The following CLEC4C variants were observed in gnomAD, a reference collection of about 807,000 sequenced individuals.
CLEC4C encodes C-type lectin domain family 4 member C.
In CLEC4C, 17 loss-of-function variants were observed where a neutral mutation model predicts 27.7. That is an observed-to-expected ratio of 0.61 (90% CI 0.42 to 0.92). The LOEUF is 0.92. Ranked by LOEUF, CLEC4C falls within the 40% of genes least tolerant of loss-of-function variation. The pLI, the probability that CLEC4C is intolerant of heterozygous loss-of-function variation, is 0.00. For synonymous variants in CLEC4C, 80 were observed against 80.8 expected, an observed-to-expected ratio of 0.99 and a Z score of 0.06; for missense variants, 244 against 257.3, an observed-to-expected ratio of 0.95 and a Z score of 0.35.
At chr12:7,729,828 G>A (rs1227539625) in intron 5 of CLEC4C, 88 bp from the exon 6 acceptor site, 27 of 1,215,816 alleles carry the variant, frequency 2.2e-5, no homozygotes, top group South Asian at 4.2e-5. Flanking sequence ...TAAACAGTGC[G>A]AAAGTCAAGG....
intron 3 of CLEC4C, 102 bp downstream of exon 3, chr12:7,741,319 A>C: frequency 2.8e-6 from 2 of 712,332 alleles, no homozygotes; most frequent in East Asian, 5.0e-5. Context: ...AGTAGGAAAA[A>C]CCAGGCTGCA....
At chr12:7,740,515 C>G (rs1335904469) in intron 3 of CLEC4C, among the ~76,000 whole-genome samples, 1 of 151,732 alleles carries the variant, frequency 6.6e-6, no homozygotes, top group African/African-American at 2.4e-5. Context: ...GCCTGGACAA[C>G]AAGGTGAAAC....
chr12:7,745,251 C>T (rs1001159707), intron 2 of CLEC4C, among the ~76,000 whole-genome samples: 2 of 151,768 alleles, frequency 1.3e-5, no homozygotes, highest in African/African-American at 2.4e-5. Flanking sequence ...AAGAAGAAAC[C>T]GTGACGAGCT....
At chr12:7,748,927 C>A (rs1865044290), upstream of CLEC4C, among the ~76,000 whole-genome samples, 1 of 152,174 alleles carries the variant, frequency 6.6e-6, no homozygotes. Flanking sequence ...TGAGTATGAC[C>A]AGAGTATTGC....
chr12:7,746,131 C>T (rs1162863694), intron 2 of CLEC4C, among the ~76,000 whole-genome samples, 200 bp downstream of exon 2: 2 of 147,982 alleles, frequency 1.4e-5, no homozygotes, highest in Admixed American at 6.9e-5. Context: ...AGGCGAATGG[C>T]ATGAACCCGG....
intron 2 of CLEC4C, among the ~76,000 whole-genome samples, chr12:7,746,011 C>G (rs768997414): frequency 1.3e-5 from 2 of 151,410 alleles, no homozygotes; most frequent in Non-Finnish European, 2.9e-5. Flanking sequence ...GTCAGGAGAT[C>G]GAAACCACCC....
intron 3 of CLEC4C, among the ~76,000 whole-genome samples, chr12:7,740,847 ATT>A (rs200089588): frequency 2.1e-5 from 3 of 144,830 alleles, no homozygotes; most frequent in Non-Finnish European, 3.0e-5. Context: ...TGAGGTGTCT[ATT>A]TTTTTTTTTG....
chr12:7,747,024 A>C (rs772363462), intron 1 of CLEC4C, among the ~76,000 whole-genome samples: 2 of 152,086 alleles, frequency 1.3e-5, no homozygotes, highest in Non-Finnish European at 2.9e-5. Flanking sequence ...GGGTTTCTCC[A>C]TGTTGGTCAG....
rs1460041964 is a variant in CLEC4C, at chr12:7,738,424, CCTCT to C, written c.236-854_236-851del. Among the ~76,000 whole-genome samples, 10 of 152,240 alleles carry C rather than the reference CCTCT, an allele frequency of 6.6e-5. No homozygotes were observed. The East Asian group carries it at 1.9e-3, about 29-fold the overall frequency. ...AGCACAAACGAGATTATATACATTCCCTCTAACAAACAGTGACAATGTAGACCAT... is the reference window on the plus strand; with the variant it reads ...AGCACAAACGAGATTATATACATTCCAACAAACAGTGACAATGTAGACCAT... On this transcript the variant is annotated intron_variant, in intron 3 of 5. Transcript: ENST00000360345.
upstream of CLEC4C, chr12:7,747,632 CTT>C (rs201227947): frequency 0.095 from 8,360 of 87,558 alleles, 138 homozygotes; most frequent in Middle Eastern, 0.19. Context: ...GTCTGATTGT[CTT>C]TTTTTTTTTT....
At chr12:7,738,242 G>C (rs773271526) in intron 3 of CLEC4C, among the ~76,000 whole-genome samples, 61 of 152,194 alleles carry the variant, frequency 4.0e-4, no homozygotes, top group African/African-American at 1.4e-3. Context: ...ACCACTCTAA[G>C]CCTTAAATAT....
intron 2 of CLEC4C, 60 bp downstream of exon 2, chr12:7,746,271 T>C (rs560793541): frequency 1.1e-6 from 1 of 895,204 alleles, no homozygotes; most frequent in Admixed American, 2.5e-5. Context: ...CTTCAGGAAA[T>C]TGATAAAATG....
chr12:7,743,080 A>C (rs1864893765), intron 2 of CLEC4C, among the ~76,000 whole-genome samples: 1 of 152,158 alleles, frequency 6.6e-6, no homozygotes, highest in African/African-American at 2.4e-5. Flanking sequence ...CATTGTATTC[A>C]CGCTATATAC....
chr12:7,746,364 G>T lies in CLEC4C; in HGVS notation c.91C>A (p.Leu31Ile), dbSNP rs756117278. The T allele has an allele frequency of 3.7e-6, 6 of 1,613,770 alleles. No homozygotes were observed. Among genetic ancestry groups the T allele is most frequent in the Non-Finnish European group, 5.1e-6 (6 of 1,179,722 alleles). ...VWSMAVVSIL[L>I]LSVCFTVSSV... ...CTCACAGTGAAACAGACACTGAGGA[G>T]CAAGATGGATACGACTGCCATGGAC... is the stretch of plus-strand genomic sequence containing the variant. Residue 31 changes from leucine to isoleucine, a missense_variant, in exon 2 of 6, where the codon CTC becomes ATC. Transcript: ENST00000360345.
At chr12:7,732,454 C>A (rs924901274) in intron 4 of CLEC4C, among the ~76,000 whole-genome samples, 3 of 151,636 alleles carry the variant, frequency 2.0e-5, no homozygotes, top group African/African-American at 4.9e-5. Flanking sequence ...CTGGTTCAAG[C>A]GGTTCTTCTG....
intron 4 of CLEC4C, among the ~76,000 whole-genome samples, chr12:7,733,465 T>C (rs964649536): frequency 8.0e-5 from 12 of 150,666 alleles, no homozygotes. Context: ...AGTTTCACCA[T>C]GTTGACCAAG....
intron 2 of CLEC4C, among the ~76,000 whole-genome samples, chr12:7,742,708 G>T (rs1200734442): frequency 6.6e-6 from 1 of 151,838 alleles, no homozygotes; most frequent in African/African-American, 2.4e-5. Flanking sequence ...TACTCAGGAG[G>T]CTGAGGCAGG....
At chr12:7,741,063 C>T (rs1047279610) in intron 3 of CLEC4C, among the ~76,000 whole-genome samples, 3 of 152,036 alleles carry the variant, frequency 2.0e-5, no homozygotes, top group Admixed American at 6.6e-5. Flanking sequence ...CTCCTGACCT[C>T]GTGATCCGCC....
At chr12:7,745,435 T>TTC (rs1864951772) in intron 2 of CLEC4C, among the ~76,000 whole-genome samples, 1 of 126,758 alleles carries the variant, frequency 7.9e-6, no homozygotes, top group African/African-American at 3.0e-5. Flanking sequence ...TTTTTTTTTT[T>TTC]TTTTTTTTTT....
Sources: gnomAD v4.1 joint callset for allele counts (sites outside exome capture counted in the v4.1 genomes callset) on GRCh38, gnomAD v4.1.1 for gene constraint, MANE v1.5 for transcripts, NCBI Gene and HGNC (gene_info 2026-07-23, HGNC 2026-07-21) for gene names.